Variants in ADHFE1 observed in about 807,000 individuals in gnomAD.
ADHFE1 encodes hydroxyacid-oxoacid transhydrogenase, mitochondrial.
ADHFE1 carries 37 observed loss-of-function variants against 54.8 expected under a neutral mutation model. The ratio of observed to expected loss-of-function variants is 0.68; its 90% CI spans 0.52 to 0.89. The LOEUF is 0.89. Ranked by LOEUF, ADHFE1 falls within the 40% of genes least tolerant of loss-of-function variation. The pLI is 0.00. For synonymous variants in ADHFE1, 203 were observed against 229.3 expected, an observed-to-expected ratio of 0.89 and a Z score of 1.04; for missense variants, 601 against 591.2, an observed-to-expected ratio of 1.02 and a Z score of -0.17.
At chr8:66,460,190 G>A in intron 12 of ADHFE1, 118 bp from the exon 13 acceptor site, 1 of 1,316,350 alleles carries the variant, frequency 7.6e-7, no homozygotes, top group Non-Finnish European at 1.1e-6. Context: ...ATGGCCCCGT[G>A]CTGGGCGTTA....
intron 8 of ADHFE1, among the ~76,000 whole-genome samples, chr8:66,451,700 A>G (rs754054002): frequency 2.6e-5 from 4 of 152,248 alleles, no homozygotes; most frequent in Non-Finnish European, 2.9e-5. Context: ...AAAGGTCCAT[A>G]TATAATCTTA....
At chr8:66,458,248 G>A (rs1586480232) in intron 12 of ADHFE1, among the ~76,000 whole-genome samples, 1 of 152,334 alleles carries the variant, frequency 6.6e-6, no homozygotes, top group Middle Eastern at 3.4e-3. Context: ...ACTTCATTAT[G>A]CTCTCCTAGC....
In ADHFE1 at chr8:66,445,258, G is replaced by T; in HGVS notation, c.394G>T (p.Asp132Tyr). 6.2e-7 allele frequency: 1 copy of T among 1,612,806 alleles called. No individual in the cohort carries two copies. ...AIEFAQKGAF[D>Y]AYVAVGGGST... ...TGAGTTTGCCCAAAAGGGAGCTTTT[G>T]ATGCCTATGTTGCTGTCGGTGGTGG... The change falls in exon 6 of 14, where the codon GAT (aspartate) becomes TAT (tyrosine). Residue 132 changes from aspartate to tyrosine, a missense_variant. Coordinates refer to ENST00000396623, the MANE Select transcript of ADHFE1 (RefSeq NM_144650.3).
rs1460976735 is a variant in ADHFE1, at chr8:66,444,725, G to A, written c.330G>A (p.Val110=). ...NGIPFTVYDN[V]RVEPTDSSFM... is the part of the protein sequence containing the mutation. ...TCCCCTTTACGGTTTATGATAATGT[G>A]AGAGTGGAACCAACGGATTCAAGGT... Residue 110 remains valine (V), a synonymous_variant, in exon 5 of 14, where the codon GTG becomes GTA. Transcript: ENST00000396623. The A allele has an allele frequency of 1.2e-6, 2 of 1,614,192 alleles. No individual in the cohort carries two copies. Among genetic ancestry groups the A allele is most frequent in the South Asian group, 1.1e-5 (1 of 91,058 alleles).
In ADHFE1 at chr8:66,460,564, G is replaced by A. The variant is rs746624079; in HGVS notation, c.1320+99G>A. On this transcript the variant is annotated intron_variant, in intron 13 of 13. Coordinates refer to ENST00000396623, the MANE Select transcript of ADHFE1 (RefSeq NM_144650.3). ...CGGGCTAGCAGGGATGGAAACCAGG[G>A]CTCCCCGGTGGTTCTCGGGTCTCCT... 30 of 1,438,742 alleles carry A rather than the reference G, an allele frequency of 2.1e-5. No individual in the cohort carries two copies. In the South Asian group the frequency reaches 2.6e-4, roughly 13 times the overall value. 89.1% of individuals were successfully genotyped at this position (1,438,742 alleles called of 1,614,324 possible).
At chr8:66,455,433 A>C (rs1192696297) in intron 10 of ADHFE1, among the ~76,000 whole-genome samples, 1 of 152,234 alleles carries the variant, frequency 6.6e-6, no homozygotes, top group East Asian at 1.9e-4. Flanking sequence ...AAAACCATTG[A>C]ACTTTAAAAA....
chr8:66,439,192 T>C lies in ADHFE1; in HGVS notation c.60-970T>C. The C allele has an allele frequency of 3.0e-6, 3 of 985,454 alleles. No homozygotes were observed. The highest frequency in any genetic ancestry group is 3.6e-6 in the Non-Finnish European group (3 of 829,968). 61.0% of individuals were successfully genotyped at this position (985,454 alleles called of 1,614,324 possible). ...CTGGACGGCCACTGAGATCAACCCT[T>C]TTCCTTCCTCCCCAACCTTCCCCCT... is the stretch of plus-strand genomic sequence containing the variant. On this transcript the variant is annotated intron_variant, in intron 1 of 13. Transcript: ENST00000396623. The surrounding 1 kb of genome is among the most constrained non-coding windows in gnomAD (Gnocchi z 4.4).
Position 66,468,274 on chromosome 8 carries a change from G to T in ADHFE1, c.1326G>T (p.Arg442Ser). 6.2e-7 allele frequency: 1 copy of T among 1,611,696 alleles called. No individual in the cohort carries two copies. The highest frequency in any genetic ancestry group is 8.5e-7 in the Non-Finnish European group (1 of 1,179,004). Residue 442 changes from arginine (R) to serine (S), a missense_variant, in exon 14 of 14, where the codon AGG becomes AGT. Physicochemically the swap from Arg to Ser is moderately radical, Grantham distance 110. Transcript: ENST00000396623. The stretch of plus-strand genomic sequence containing the variant: ...TCTTTCATTTACTGTTTCAGGAAAG[G>T]GTCACCAAGCTTGCACCCTGTCCCC... ...ALVKGTLPQE[R>S]VTKLAPCPQS...
Position 66,457,064 on chromosome 8 carries a change from C to G in ADHFE1, c.1066-6C>G, listed in dbSNP as rs113926538. ...CTGCCGGTCACCGCATTTCGTTTCT[C>G]CCCAGCCCCATGGCCTTTCTGTGGT... is the stretch of plus-strand genomic sequence containing the variant. On this transcript the variant is annotated splice_polypyrimidine_tract_variant and splice_region_variant and intron_variant, in intron 11 of 13. Coordinates refer to ENST00000396623, the MANE Select transcript of ADHFE1 (RefSeq NM_144650.3). 3 of 1,612,266 alleles carry G rather than the reference C, an allele frequency of 1.9e-6. No homozygotes were observed. The South Asian group carries it at 3.3e-5, about 18-fold the overall frequency.
At chr8:66,460,135 AG>A in intron 12 of ADHFE1, 172 bp from the exon 13 acceptor site, 1 of 717,086 alleles carries the variant, frequency 1.4e-6, no homozygotes, top group South Asian at 1.8e-5. Flanking sequence ...GTCAGAGCTA[AG>A]TGAGCTCCCC....
In ADHFE1 at chr8:66,460,517, G is replaced by C. The variant is rs937391745; in HGVS notation, c.1320+52G>C. On this transcript the variant is annotated intron_variant, in intron 13 of 13. Transcript: ENST00000396623. The stretch of plus-strand genomic sequence containing the variant: ...CCTGCGAAGGAGCCTAGCGCCTCCA[G>C]AAAGACATGCTGCATTGATGGCGGG... 2.6e-6 allele frequency: 4 copies of C among 1,516,950 alleles called. No individual in the cohort carries two copies. In the African/African-American group the frequency reaches 4.2e-5, roughly 16 times the overall value. 94.0% of individuals were successfully genotyped at this position (1,516,950 alleles called of 1,614,324 possible).
At chr8:66,456,647 T>C (rs575502179) in intron 10 of ADHFE1, among the ~76,000 whole-genome samples, 170 bp from the exon 11 acceptor site, 2 of 152,238 alleles carry the variant, frequency 1.3e-5, no homozygotes, top group African/African-American at 4.8e-5. Context: ...GCACTACATG[T>C]CCTAGACATC....
At chr8:66,440,625 T>C (rs1805699711) in intron 2 of ADHFE1, among the ~76,000 whole-genome samples, 1 of 152,224 alleles carries the variant, frequency 6.6e-6, no homozygotes, top group South Asian at 2.1e-4. Context: ...TGTATCAGTC[T>C]TTAAAATAAT....
chr8:66,450,196 T>C (rs570662101), intron 8 of ADHFE1, among the ~76,000 whole-genome samples: 1 of 152,316 alleles, frequency 6.6e-6, no homozygotes, highest in Admixed American at 6.5e-5. Flanking sequence ...TGTCAGAACT[T>C]TGATGAGCTG....
chr8:66,459,017 C>T (rs949343997), intron 12 of ADHFE1, among the ~76,000 whole-genome samples: 2 of 152,182 alleles, frequency 1.3e-5, no homozygotes, highest in Admixed American at 6.5e-5. Flanking sequence ...CAGCCAGCCC[C>T]GTATCTGGTT....
chr8:66,440,209 C>T lies in ADHFE1; in HGVS notation c.97+10C>T, dbSNP rs749775561. On this transcript the variant is annotated intron_variant, in intron 2 of 13. Coordinates refer to ENST00000396623, the MANE Select transcript of ADHFE1 (RefSeq NM_144650.3). ...CATACTTACTCCCAAGGTAATACTT[C>T]TGTATTTTTAAACTAGCCACAATTT... The T allele has an allele frequency of 6.4e-7, 1 of 1,550,448 alleles. No individual in the cohort carries two copies. Among genetic ancestry groups the T allele is most frequent in the Non-Finnish European group, 8.8e-7 (1 of 1,141,114 alleles).
chr8:66,443,954 T>C (rs1428294318), intron 3 of ADHFE1, among the ~76,000 whole-genome samples: 1 of 152,124 alleles, frequency 6.6e-6, no homozygotes, highest in East Asian at 1.9e-4. Context: ...GTGTCTCTTA[T>C]TCATAGTTGA....
At chr8:66,441,272 TG>T (rs2130365588) in intron 2 of ADHFE1, among the ~76,000 whole-genome samples, 1 of 152,358 alleles carries the variant, frequency 6.6e-6, no homozygotes, top group Non-Finnish European at 1.5e-5. Flanking sequence ...GGTCACCCTC[TG>T]TCACCCAGGC....
chr8:66,435,696 G>A (rs1563485329), intron 1 of ADHFE1, among the ~76,000 whole-genome samples: 1 of 126,968 alleles, frequency 7.9e-6, no homozygotes, highest in Non-Finnish European at 1.6e-5. Flanking sequence ...CTGCAATCTC[G>A]AATTTCTGGC....
Sources: allele counts gnomAD v4.1 joint callset (sites outside exome capture counted in the v4.1 genomes callset), GRCh38; gene constraint gnomAD v4.1.1; non-coding constraint Gnocchi (gnomAD v3.1); transcripts MANE v1.5; gene names NCBI Gene and HGNC (gene_info 2026-07-23, HGNC 2026-07-21).